The following PAFAH1B1 variants were observed in gnomAD, a reference collection of about 807,000 sequenced individuals.
The protein encoded by PAFAH1B1 is platelet-activating factor acetylhydrolase IB subunit beta.
Under a neutral mutation model 57.5 loss-of-function variants are expected in PAFAH1B1, and 2 were observed. The observed-to-expected ratio is 0.03, with a 90% CI of 0.01 to 0.11. The LOEUF (loss-of-function observed/expected upper bound fraction) is 0.11. Ranked by LOEUF, PAFAH1B1 falls within the 10% of genes least tolerant of loss-of-function variation. The pLI is 1.00. For synonymous variants in PAFAH1B1, 152 were observed against 169.6 expected, an observed-to-expected ratio of 0.90 and a Z score of 0.81; for missense variants, 257 against 512.0, an observed-to-expected ratio of 0.50 and a Z score of 4.81.
intron 2 of PAFAH1B1, among the ~76,000 whole-genome samples, chr17:2,643,292 C>T (rs1045688306): frequency 6.6e-6 from 1 of 151,920 alleles, no homozygotes; most frequent in Non-Finnish European, 1.5e-5. Flanking sequence ...TTTGTTTTCC[C>T]CCTTTTGTGG....
chr17:2,619,547 GTTTTTTTTC>G (rs1039964686), intron 1 of PAFAH1B1, among the ~76,000 whole-genome samples: 4 of 128,970 alleles, frequency 3.1e-5, no homozygotes, highest in Non-Finnish European at 7.0e-5. Context: ...TTTTTTTTTT[GTTTTTTTTC>G]CTCTCAGGAG....
intron 2 of PAFAH1B1, among the ~76,000 whole-genome samples, chr17:2,646,632 T>G (rs960773866): frequency 3.9e-5 from 6 of 151,974 alleles, no homozygotes; most frequent in Non-Finnish European, 7.4e-5. Flanking sequence ...GGCAACAGAG[T>G]GAGACTCTGT....
chr17:2,612,832 A>G (rs928532172), intron 1 of PAFAH1B1, among the ~76,000 whole-genome samples: 2 of 150,478 alleles, frequency 1.3e-5, no homozygotes, highest in African/African-American at 4.9e-5. Context: ...CTGGTCTCAG[A>G]CTCCTGGGCT....
intron 2 of PAFAH1B1, among the ~76,000 whole-genome samples, chr17:2,664,098 C>T (rs975966990): frequency 6.6e-5 from 10 of 152,210 alleles, no homozygotes; most frequent in East Asian, 5.8e-4. Flanking sequence ...AATTATTATA[C>T]GTTGATTTTT....
At chr17:2,665,590 CTTTT>C (rs905966560) in intron 3 of PAFAH1B1, 134 bp downstream of exon 3, 1 of 529,008 alleles carries the variant, frequency 1.9e-6, no homozygotes, top group South Asian at 2.4e-5. Flanking sequence ...ATTTTCACTC[CTTTT>C]TTTTTTATTT....
intron 1 of PAFAH1B1, among the ~76,000 whole-genome samples, chr17:2,632,293 C>T (rs1289820330): frequency 6.6e-6 from 1 of 152,164 alleles, no homozygotes; most frequent in Non-Finnish European, 1.5e-5. Context: ...CAAAAAAATT[C>T]AGTTATTTAG....
rs562345428 is a variant in PAFAH1B1, at chr17:2,652,986, C to T, written c.33-12386C>T. On this transcript the variant is annotated intron_variant, in intron 2 of 10. Coordinates refer to ENST00000397195, the MANE Select transcript of PAFAH1B1 (RefSeq NM_000430.4). ...ACATGCACACATATGTTTATTGTGG[C>T]ACTGTTCACAATAGCAAAGACTTGG... is the stretch of plus-strand genomic sequence containing the variant. Among the ~76,000 whole-genome samples the T allele has an allele frequency of 3.4e-3, 517 of 152,214 alleles. 2 individuals carry two copies. Among genetic ancestry groups the T allele is most frequent in the African/African-American group, 0.012 (486 of 41,526 alleles).
chr17:2,597,967 C>T (rs1567520995), intron 1 of PAFAH1B1, among the ~76,000 whole-genome samples: 1 of 151,904 alleles, frequency 6.6e-6, no homozygotes, highest in Non-Finnish European at 1.5e-5. Flanking sequence ...AGATGTCTGG[C>T]CAGACATGGT....
rs572236147 is a variant in PAFAH1B1 at position 2,612,619 on chromosome 17, T to C, written c.-191+18613T>C. 4.6e-5 allele frequency among the ~76,000 whole-genome samples: 7 copies of C among 152,316 alleles called. No homozygotes were observed. In the East Asian group the frequency reaches 1.4e-3, roughly 29 times the overall value. ...CTATAGCTAGCAAGTCAAATCCTGC[T>C]GTTTTTATTTTGAGAAGGGGACTCT... On this transcript the variant is annotated intron_variant, in intron 1 of 10. Transcript: ENST00000397195.
At position 2,621,953 on chromosome 17, in the gene PAFAH1B1, A is replaced by G. The variant is rs544525714; in HGVS notation, c.-190-16146A>G. 3.4e-5 allele frequency among the ~76,000 whole-genome samples: 5 copies of G among 147,702 alleles called. No individual in the cohort carries two copies. In the South Asian group the frequency reaches 1.0e-3, roughly 31 times the overall value. ...TGGCAGGAGGCGAAAGGCACCTATT[A>G]CATTGTGGTGGCAAGAGAAAAATGA... On this transcript the variant is annotated intron_variant, in intron 1 of 10. Coordinates refer to ENST00000397195, the MANE Select transcript of PAFAH1B1 (RefSeq NM_000430.4).
intron 6 of PAFAH1B1, among the ~76,000 whole-genome samples, chr17:2,670,812 A>G (rs575192603): frequency 6.6e-6 from 1 of 152,240 alleles, no homozygotes; most frequent in African/African-American, 2.4e-5. Context: ...GAAAGAGAGT[A>G]ATTTGCTTTG....
rs1019690221 is a variant in PAFAH1B1 at position 2,684,413 on chromosome 17, T to A, written c.*2611T>A. ...GGTTTGGATTGTAAGTAGAGGACTT[T>A]TATTAATTGGTTTAGAGGTTCACTG... On this transcript the variant is annotated 3_prime_UTR_variant, in exon 11 of 11. Coordinates refer to ENST00000397195, the MANE Select transcript of PAFAH1B1 (RefSeq NM_000430.4). 3 of 152,626 alleles carry A rather than the reference T, an allele frequency of 2.0e-5. No homozygotes were observed. Among genetic ancestry groups the A allele is most frequent in the Non-Finnish European group, 2.9e-5 (2 of 68,052 alleles). The allele number at this position is 152,626 out of a possible 1,614,324, so 9.5% of individuals were successfully genotyped here.
intron 1 of PAFAH1B1, among the ~76,000 whole-genome samples, chr17:2,626,553 T>TCCCCC (rs764519686): frequency 6.1e-5 from 2 of 32,730 alleles, no homozygotes; most frequent in African/African-American, 1.9e-4. Context: ...TCACCTTTCT[T>TCCCCC]CCCCCCCCCC....
intron 2 of PAFAH1B1, chr17:2,639,220 T>C (rs1157063591): frequency 6.6e-5 from 10 of 152,124 alleles, no homozygotes; most frequent in East Asian, 1.9e-4. Flanking sequence ...TTTTAAAATA[T>C]TATGTTCAAT....
At chr17:2,673,442 G>A (rs1024273793) in intron 7 of PAFAH1B1, among the ~76,000 whole-genome samples, 31 of 151,976 alleles carry the variant, frequency 2.0e-4, no homozygotes, top group East Asian at 5.8e-4. Flanking sequence ...GATCGAGACC[G>A]TCCTGGCTAA....
chr17:2,604,386 G>A (rs941693801), intron 1 of PAFAH1B1, among the ~76,000 whole-genome samples: 3 of 152,140 alleles, frequency 2.0e-5, no homozygotes, highest in African/African-American at 7.2e-5. Flanking sequence ...AGTGTACTTG[G>A]TATTTTAAAG....
At chr17:2,594,524 C>G (rs915154116) in intron 1 of PAFAH1B1, among the ~76,000 whole-genome samples, 2 of 152,218 alleles carry the variant, frequency 1.3e-5, no homozygotes, top group Non-Finnish European at 2.9e-5. Flanking sequence ...CCGGGGCACT[C>G]ATAGGGCCTT....
chr17:2,679,514 ATGGATGGATGAT>A (rs1261304069), intron 9 of PAFAH1B1, among the ~76,000 whole-genome samples: 4 of 130,456 alleles, frequency 3.1e-5, no homozygotes, highest in Admixed American at 1.5e-4. Flanking sequence ...GGATGGATGG[ATGGATGGATGAT>A]TGGATGGATG....
In PAFAH1B1 at chr17:2,595,421, C is replaced by CT. The variant is rs71377513; in HGVS notation, c.-191+1431dup. Among the ~76,000 whole-genome samples, 583 of 124,036 alleles carry CT rather than the reference C, an allele frequency of 4.7e-3. 7 individuals are homozygous for CT. Among genetic ancestry groups the CT allele is most frequent in the Admixed American group, 0.012 (147 of 12,156 alleles). The allele number at this position is 124,036 out of a possible 152,430, so 81.4% of individuals were successfully genotyped here. A position where few individuals can be genotyped will look rare whatever the true frequency, so the allele number is the denominator to read the frequency against. ...TCCCTTTTTGCCACAGGAGTGTTTGCTTTTTTTTTTTTTTTTGCTGCAGCA... is the reference window on the plus strand; with the variant it reads ...TCCCTTTTTGCCACAGGAGTGTTTGCTTTTTTTTTTTTTTTTTGCTGCAGCA... On this transcript the variant is annotated intron_variant, in intron 1 of 10. Transcript: ENST00000397195.
Sources: allele counts gnomAD v4.1 joint callset (sites outside exome capture counted in the v4.1 genomes callset), GRCh38; gene constraint gnomAD v4.1.1; transcripts MANE v1.5; gene names NCBI Gene and HGNC (gene_info 2026-07-23, HGNC 2026-07-21).